ZCCHC24: variants seen among roughly 807,000 people sequenced by gnomAD.
ZCCHC24 encodes zinc finger CCHC domain-containing protein 24.
A neutral mutation model predicts 26.2 loss-of-function variants in ZCCHC24; 10 were observed. The ratio of observed to expected loss-of-function variants is 0.38; its 90% CI spans 0.24 to 0.65. The LOEUF is 0.65. Ranked by LOEUF, ZCCHC24 falls within the 30% of genes least tolerant of loss-of-function variation. ZCCHC24 has a pLI of 0.54. For missense variants in ZCCHC24, 243 were observed against 329.1 expected, an observed-to-expected ratio of 0.74 and a Z score of 2.03; for synonymous variants, 144 against 147.1, an observed-to-expected ratio of 0.98 and a Z score of 0.15.
intron 3 of ZCCHC24, among the ~76,000 whole-genome samples, chr10:79,391,455 A>T (rs1388120986): frequency 2.0e-5 from 3 of 152,026 alleles, no homozygotes; most frequent in Admixed American, 2.0e-4. Flanking sequence ...GGCTGGAGCC[A>T]CTGCGGAGAC....
intron 2 of ZCCHC24, among the ~76,000 whole-genome samples, chr10:79,417,854 G>C (rs1250923074): frequency 6.6e-6 from 1 of 152,190 alleles, no homozygotes; most frequent in Non-Finnish European, 1.5e-5. Context: ...GGGAGGGAGT[G>C]GGGGCGGTGT....
At position 79,385,826 on chromosome 10, in the gene ZCCHC24, A is replaced by G. The variant is rs1360548814; in HGVS notation, c.*519T>C. 3 of 220,236 alleles carry G rather than the reference A, an allele frequency of 1.4e-5. No individual in the cohort carries two copies. Among genetic ancestry groups the G allele is most frequent in the African/African-American group, 2.3e-5 (1 of 44,142 alleles). The allele number at this position is 220,236 out of a possible 1,614,324, so 13.6% of individuals were successfully genotyped here. ...CAAGGGACAGAGAGGTCCACTCCCC[A>G]GCCGCTGTTGGAACACATGTCCCCT... On this transcript the variant is annotated 3_prime_UTR_variant, in exon 4 of 4. Transcript: ENST00000372336. The surrounding 1 kb of genome is among the most constrained non-coding windows in gnomAD (Gnocchi z 4.3).
chr10:79,445,623 C>T lies in ZCCHC24; in HGVS notation c.-183G>A. On this transcript the variant is annotated 5_prime_UTR_variant, in exon 1 of 4. Transcript: ENST00000372336. ...TGCCGCTGCCGCCGCCTCCCCCCGACTGCGGCCCCGGCGCGCGCAGGCGGT... is the reference window on the plus strand; with the variant it reads ...TGCCGCTGCCGCCGCCTCCCCCCGATTGCGGCCCCGGCGCGCGCAGGCGGT... 1 of 358,290 alleles carries T rather than the reference C, an allele frequency of 2.8e-6. No homozygotes were observed. The highest frequency in any genetic ancestry group is 3.9e-6 in the Non-Finnish European group (1 of 255,380). 22.2% of individuals were successfully genotyped at this position (358,290 alleles called of 1,614,324 possible).
chr10:79,445,553 G>A lies in ZCCHC24; in HGVS notation c.-113C>T. ...CACTGCCCGCCTCCCGAGCCCCGACGGTGATCGCCCCGCGCCCTGCGCCCC... is the reference window on the plus strand; with the variant it reads ...CACTGCCCGCCTCCCGAGCCCCGACAGTGATCGCCCCGCGCCCTGCGCCCC... On this transcript the variant is annotated 5_prime_UTR_variant, in exon 1 of 4. Transcript: ENST00000372336. 1.0e-6 allele frequency: 1 copy of A among 981,750 alleles called. No homozygotes were observed. Among genetic ancestry groups the A allele is most frequent in the Non-Finnish European group, 1.3e-6 (1 of 783,398 alleles). 60.8% of individuals were successfully genotyped at this position (981,750 alleles called of 1,614,324 possible). A position where few individuals can be genotyped will look rare whatever the true frequency, so the allele number is the denominator to read the frequency against.
intron 2 of ZCCHC24, among the ~76,000 whole-genome samples, chr10:79,411,876 C>T (rs1352429211): frequency 6.6e-6 from 1 of 152,170 alleles, no homozygotes; most frequent in Non-Finnish European, 1.5e-5. Context: ...GCCCCAGAGA[C>T]CTGCTCTGCC....
intron 3 of ZCCHC24, 84 bp from the exon 4 acceptor site, chr10:79,386,542 G>C: frequency 9.0e-7 from 1 of 1,109,380 alleles, no homozygotes. Flanking sequence ...GAGACACACA[G>C]AGACAGACAG....
intron 3 of ZCCHC24, among the ~76,000 whole-genome samples, chr10:79,390,041 A>G (rs2104157): frequency 0.69 from 105,392 of 152,020 alleles, 37,203 homozygotes; most frequent in Middle Eastern, 0.83. Flanking sequence ...TTGTTTAAAA[A>G]AAATTTTTTT....
chr10:79,428,017 A>T (rs1369321106), intron 2 of ZCCHC24, among the ~76,000 whole-genome samples: 5 of 152,384 alleles, frequency 3.3e-5, no homozygotes, highest in Admixed American at 1.3e-4. Flanking sequence ...GATGGAAGGA[A>T]ATAATAAATA....
chr10:79,432,275 G>A (rs992770184), intron 2 of ZCCHC24, among the ~76,000 whole-genome samples: 1 of 152,226 alleles, frequency 6.6e-6, no homozygotes, highest in African/African-American at 2.4e-5. Context: ...GAGACCCAAA[G>A]GCACAGAACC....
At chr10:79,415,518 GT>G (rs1292361187) in intron 2 of ZCCHC24, among the ~76,000 whole-genome samples, 1 of 152,196 alleles carries the variant, frequency 6.6e-6, no homozygotes, top group Non-Finnish European at 1.5e-5. Flanking sequence ...TCCAACTGCG[GT>G]TTCAACCTTT....
intron 1 of ZCCHC24, among the ~76,000 whole-genome samples, chr10:79,436,619 C>T (rs1337345695): frequency 6.6e-6 from 1 of 152,262 alleles, no homozygotes; most frequent in African/African-American, 2.4e-5. Flanking sequence ...GGCTGGACAT[C>T]CCTGAAGACA....
intron 2 of ZCCHC24, among the ~76,000 whole-genome samples, chr10:79,423,196 T>C (rs1856970786): frequency 6.6e-6 from 1 of 152,152 alleles, no homozygotes; most frequent in African/African-American, 2.4e-5. Flanking sequence ...TCATTATGAC[T>C]TCTGTGGACC....
intron 1 of ZCCHC24, chr10:79,444,109 C>T (rs1471220561): frequency 1.9e-6 from 3 of 1,545,614 alleles, no homozygotes; most frequent in South Asian, 2.4e-5. Flanking sequence ...CACCGGTGTG[C>T]CCAGGTCTGG....
chr10:79,428,994 T>C (rs1857088717), intron 2 of ZCCHC24, among the ~76,000 whole-genome samples: 2 of 152,124 alleles, frequency 1.3e-5, no homozygotes, highest in South Asian at 4.1e-4. Context: ...ATCAAAAATC[T>C]ACCCACAAAA....
At chr10:79,436,907 C>T (rs1857224183) in intron 1 of ZCCHC24, among the ~76,000 whole-genome samples, 2 of 152,170 alleles carry the variant, frequency 1.3e-5, no homozygotes, top group Admixed American at 1.3e-4. Context: ...AGGTCAGTGA[C>T]CCCAGCAGGT....
rs1429624626 is a variant in ZCCHC24 at position 79,403,637 on chromosome 10, C to CGCACA, written c.448-9202_448-9198dup. On this transcript the variant is annotated intron_variant, in intron 2 of 3. Transcript: ENST00000372336. ...GGAGCCTCAAGGGCCTCCTTGTCTG[C>CGCACA]GCACAGCCGTCCTCGCCTCCTTGCC... is the stretch of plus-strand genomic sequence containing the variant. 4.1e-6 allele frequency: 4 copies of CGCACA among 977,604 alleles called. No homozygotes were observed. In the African/African-American group the frequency reaches 7.0e-5, roughly 17 times the overall value. 60.6% of individuals were successfully genotyped at this position (977,604 alleles called of 1,614,324 possible).
At chr10:79,434,355 C>T (rs923887982) in intron 1 of ZCCHC24, among the ~76,000 whole-genome samples, 1 of 152,210 alleles carries the variant, frequency 6.6e-6, no homozygotes, top group Non-Finnish European at 1.5e-5. Flanking sequence ...CTCCAGCTCT[C>T]AGATGAATCC....
At position 79,384,913 on chromosome 10, in the gene ZCCHC24, G is replaced by A. The variant is rs1256112743; in HGVS notation, c.*1432C>T. 1.3e-5 allele frequency: 2 copies of A among 152,308 alleles called. No homozygotes were observed. The highest frequency in any genetic ancestry group is 2.1e-4 in the South Asian group (1 of 4,818). 9.4% of individuals were successfully genotyped at this position (152,308 alleles called of 1,614,324 possible). ...AAGGAAGGGTCAAGACCATGGAAAC[G>A]GGGCTTCTCATCCGGGAGACAGAGG... is the stretch of plus-strand genomic sequence containing the variant. On this transcript the variant is annotated 3_prime_UTR_variant, in exon 4 of 4. Coordinates refer to ENST00000372336, the MANE Select transcript of ZCCHC24 (RefSeq NM_153367.4).
chr10:79,422,122 C>T (rs566664232), intron 2 of ZCCHC24, among the ~76,000 whole-genome samples: 32 of 152,042 alleles, frequency 2.1e-4, no homozygotes, highest in Admixed American at 4.6e-4. Context: ...GAAGAAGAGG[C>T]TAGGTCCCCC....
Sources: allele counts gnomAD v4.1 joint callset (sites outside exome capture counted in the v4.1 genomes callset), GRCh38; gene constraint gnomAD v4.1.1; non-coding constraint Gnocchi (gnomAD v3.1); transcripts MANE v1.5; gene names NCBI Gene and HGNC (gene_info 2026-07-23, HGNC 2026-07-21).